SPATA24: variants seen among roughly 807,000 people sequenced by gnomAD.
The protein encoded by SPATA24 is spermatogenesis-associated protein 24.
Under a neutral mutation model 28.9 loss-of-function variants are expected in SPATA24, and 21 were observed. That is an observed-to-expected ratio of 0.73 (90% CI 0.52 to 1.05). The LOEUF (loss-of-function observed/expected upper bound fraction) is 1.05. Ranked by LOEUF, SPATA24 falls within the 50% of genes least tolerant of loss-of-function variation. SPATA24 has a pLI of 0.00. For missense variants in SPATA24, 215 were observed against 242.9 expected, an observed-to-expected ratio of 0.88 and a Z score of 0.76; for synonymous variants, 76 against 89.9, an observed-to-expected ratio of 0.85 and a Z score of 0.88.
At chr5:139,399,423 G>C (rs1177988716) in intron 4 of SPATA24, among the ~76,000 whole-genome samples, 2 of 150,866 alleles carry the variant, frequency 1.3e-5, no homozygotes, top group Non-Finnish European at 2.9e-5. Flanking sequence ...CTGGTAAAAA[G>C]TGAAGGCACA....
At chr5:139,402,451 C>T (rs1581404762) in intron 2 of SPATA24, among the ~76,000 whole-genome samples, 177 bp downstream of exon 2, 1 of 151,754 alleles carries the variant, frequency 6.6e-6, no homozygotes, top group African/African-American at 2.4e-5. Context: ...CCATGTTGGC[C>T]AGGCTGGTCT....
At chr5:139,393,295 CCCACAGGGTGG>C, downstream of SPATA24, 1 of 1,550,330 alleles carries the variant, frequency 6.5e-7, no homozygotes, top group Non-Finnish European at 8.7e-7. Flanking sequence ...GTCCAGGGTG[CCCACAGGGTGG>C]CTGCCGGGCG....
At chr5:139,394,152 C>T (rs1213920512), downstream of SPATA24, 6 of 1,546,110 alleles carry the variant, frequency 3.9e-6, no homozygotes, top group Non-Finnish European at 4.4e-6. Context: ...GCCTCGGGGC[C>T]TTGGCGGGGG....
downstream of SPATA24, chr5:139,396,139 A>G (rs1017370989): frequency 4.8e-5 from 47 of 983,990 alleles, no homozygotes; most frequent in Non-Finnish European, 5.6e-5. Context: ...AAACCGACCC[A>G]GGACAGGCTA....
downstream of SPATA24, chr5:139,393,672 G>A: frequency 1.3e-6 from 2 of 1,550,832 alleles, no homozygotes; most frequent in Non-Finnish European, 1.7e-6. Flanking sequence ...CGAGGGACGG[G>A]CTCCTTTCCC....
chr5:139,394,974 C>T (rs1581397121), downstream of SPATA24: 5 of 1,515,728 alleles, frequency 3.3e-6, no homozygotes, highest in Non-Finnish European at 4.4e-6. Context: ...AACCTGGAGC[C>T]GTGTAGTAGG....
chr5:139,401,625 C>T (rs1264078334), intron 4 of SPATA24, 130 bp downstream of exon 4: 7 of 1,050,086 alleles, frequency 6.7e-6, no homozygotes, highest in Non-Finnish European at 1.0e-5. Context: ...GTGTGGCCCA[C>T]CCGGGCCTGC....
At chr5:139,397,007 A>G in intron 5 of SPATA24, 34 bp downstream of exon 5, 1 of 1,551,542 alleles carries the variant, frequency 6.4e-7, no homozygotes, top group South Asian at 1.2e-5. Context: ...CCCCAGTGTC[A>G]TCAACAACCC....
At chr5:139,400,365 G>A (rs931102726) in intron 4 of SPATA24, among the ~76,000 whole-genome samples, 3 of 146,052 alleles carry the variant, frequency 2.1e-5, no homozygotes, top group Non-Finnish European at 4.5e-5. Flanking sequence ...GGAGCGCAAT[G>A]GCATGATCCT....
In SPATA24 at chr5:139,403,984, A is replaced by G. The variant is rs1168177779; in HGVS notation, c.77T>C (p.Ile26Thr). 2.6e-6 allele frequency: 4 copies of G among 1,551,712 alleles called. No individual in the cohort carries two copies. Among genetic ancestry groups the G allele is most frequent in the East Asian group, 2.4e-5 (1 of 40,930 alleles). ...CLALDQLRDVIESQEELIHQL... is the reference protein window; with the variant it reads ...CLALDQLRDVTESQEELIHQL... The stretch of plus-strand genomic sequence containing the variant: ...GTGGATTAGTTCCTCCTGAGACTCA[A>G]TCACGTCCCGCAGTTGATCTAAAGC... The change falls in exon 1 of 6, where the codon ATT (isoleucine) becomes ACT (threonine). Residue 26 changes from isoleucine to threonine, a missense_variant. Physicochemically the swap from Ile to Thr is moderately conservative, Grantham distance 89 (BLOSUM62 -1). Transcript: ENST00000450845.
chr5:139,392,925 C>T (rs1212815997), downstream of SPATA24: 6 of 1,528,438 alleles, frequency 3.9e-6, no homozygotes, highest in Non-Finnish European at 5.3e-6. The surrounding 1 kb of genome is among the most constrained non-coding windows in gnomAD (Gnocchi z 5.8). Context: ...TGTTCTCTGC[C>T]CTCCGCCGCA....
At position 139,402,770 on chromosome 5, in the gene SPATA24, G is replaced by C. The variant is rs536791754; in HGVS notation, c.118-77C>G. The C allele has an allele frequency of 1.2e-4, 129 of 1,071,464 alleles. 1 individual carries two copies. The highest frequency in any genetic ancestry group is 8.9e-4 in the South Asian group (66 of 74,090). The allele number at this position is 1,071,464 out of a possible 1,614,324, so 66.4% of individuals were successfully genotyped here. A position where few individuals can be genotyped will look rare whatever the true frequency, so the allele number is the denominator to read the frequency against. On this transcript the variant is annotated intron_variant, in intron 1 of 5. Coordinates refer to ENST00000450845, the MANE Select transcript of SPATA24 (RefSeq NM_194296.2). ...CCCTCTAGGGACCAGGACCAAAAGC[G>C]GATAACAGGATGATGCTCGTGGTAC... is the stretch of plus-strand genomic sequence containing the variant.
downstream of SPATA24, chr5:139,395,707 T>C (rs887227347): frequency 3.9e-5 from 6 of 152,262 alleles, no homozygotes; most frequent in African/African-American, 1.4e-4. Flanking sequence ...CCCTGACTCC[T>C]CAGGGCCTCA....
At chr5:139,394,363 G>A (rs1416133309), downstream of SPATA24, 20 of 1,418,260 alleles carry the variant, frequency 1.4e-5, no homozygotes, top group Non-Finnish European at 1.7e-5. Flanking sequence ...GGGGCCCAGC[G>A]ACTCGTCCAG....
chr5:139,396,105 GC>G, downstream of SPATA24: 1 of 903,140 alleles, frequency 1.1e-6, no homozygotes, highest in South Asian at 5.1e-5. Context: ...CAAGAGCACT[GC>G]CCCCTCCTGT....
downstream of SPATA24, chr5:139,394,186 G>A: frequency 6.5e-7 from 1 of 1,547,390 alleles, no homozygotes; most frequent in Non-Finnish European, 8.7e-7. Context: ...TACGCGAAGT[G>A]GCCGAGACTT....
At chr5:139,394,500 C>T, downstream of SPATA24, 1 of 1,430,328 alleles carries the variant, frequency 7.0e-7, no homozygotes, top group Non-Finnish European at 9.1e-7. Flanking sequence ...CGGCGCCCTC[C>T]TCCAGAGCCA....
At chr5:139,397,252 G>A (rs1366889295) in intron 4 of SPATA24, 109 bp from the exon 5 acceptor site, 5 of 757,374 alleles carry the variant, frequency 6.6e-6, no homozygotes, top group East Asian at 2.7e-5. Context: ...CCACCCAAGA[G>A]TTCTCCATGA....
In SPATA24 at chr5:139,401,355, C is replaced by T. The variant is rs896886610; in HGVS notation, c.385+400G>A. On this transcript the variant is annotated intron_variant, in intron 4 of 5. Coordinates refer to ENST00000450845, the MANE Select transcript of SPATA24 (RefSeq NM_194296.2). ...ATCTGGCAATCCTAGCCCCCTGTCA[C>T]CACATGCATCCTTCCCTATTGAGTC... is the stretch of plus-strand genomic sequence containing the variant. 5.5e-6 allele frequency: 3 copies of T among 541,076 alleles called. No individual in the cohort carries two copies. The African/African-American group carries it at 5.7e-5, about 10-fold the overall frequency. 33.5% of individuals were successfully genotyped at this position (541,076 alleles called of 1,614,324 possible).
Sources: allele counts gnomAD v4.1 joint callset (sites outside exome capture counted in the v4.1 genomes callset), GRCh38; gene constraint gnomAD v4.1.1; non-coding constraint Gnocchi (gnomAD v3.1); transcripts MANE v1.5; gene names NCBI Gene and HGNC (gene_info 2026-07-23, HGNC 2026-07-21).